GTF3C2: variants seen among roughly 807,000 people sequenced by gnomAD.
GTF3C2 encodes general transcription factor IIIC subunit 2, also known as general transcription factor 3C polypeptide 2.
A neutral mutation model predicts 117.4 loss-of-function variants in GTF3C2; 17 were observed. The ratio of observed to expected loss-of-function variants is 0.14; its 90% confidence interval spans 0.10 to 0.22. The LOEUF is 0.22. GTF3C2 is among the 10% of genes least tolerant of loss of function. The pLI is 1.00. For missense variants in GTF3C2, 888 were observed against 1,143.6 expected, an observed-to-expected ratio of 0.78 and a Z score of 3.22; for synonymous variants, 437 against 427.0, an observed-to-expected ratio of 1.02 and a Z score of -0.29.
In GTF3C2 at chr2:27,328,943, GA is replaced by G. The variant is rs1558611927; in HGVS notation, c.2040-13del. The stretch of plus-strand genomic sequence containing the variant: ...CACAGAGTCCATAACTGTTAAAAGA[GA>G]AATAAATTTAAACCTTCCTTTTCTT... On this transcript the variant is annotated splice_polypyrimidine_tract_variant and intron_variant, in intron 14 of 18. Transcript: ENST00000264720. 2.5e-6 allele frequency: 4 copies of G among 1,576,190 alleles called. No individual in the cohort carries two copies. Among genetic ancestry groups the G allele is most frequent in the Non-Finnish European group, 3.5e-6 (4 of 1,148,044 alleles).
chr2:27,344,158 G>A (rs1680838619), intron 1 of GTF3C2, among the ~76,000 whole-genome samples: 1 of 151,882 alleles, frequency 6.6e-6, no homozygotes, highest in African/African-American at 2.4e-5. Context: ...CTGAGTAGCT[G>A]GGATCAAGGT....
At chr2:27,342,515 G>A in intron 3 of GTF3C2, 1 of 537,100 alleles carries the variant, frequency 1.9e-6, no homozygotes, top group Non-Finnish European at 3.3e-6. Flanking sequence ...AACACAGAGG[G>A]CAAGAGAAAG....
At chr2:27,334,813 T>C (rs907338056) in intron 10 of GTF3C2, among the ~76,000 whole-genome samples, 5 of 152,044 alleles carry the variant, frequency 3.3e-5, no homozygotes, top group Admixed American at 2.6e-4. Flanking sequence ...CGGCTACTTT[T>C]AAAAATTTTT....
chr2:27,349,259 T>G (rs1251440395), intron 1 of GTF3C2, among the ~76,000 whole-genome samples: 3 of 151,316 alleles, frequency 2.0e-5, no homozygotes, highest in Non-Finnish European at 4.4e-5. Context: ...GCCATTCTCC[T>G]GCCTCAGCCT....
At chr2:27,354,182 C>T (rs1681242232) in intron 1 of GTF3C2, among the ~76,000 whole-genome samples, 1 of 151,864 alleles carries the variant, frequency 6.6e-6, no homozygotes, top group Admixed American at 6.6e-5. Context: ...ATTCGAGAGG[C>T]TGAGGCAGGA....
At chr2:27,342,406 T>A (rs939274973) in intron 3 of GTF3C2, 173 bp from the exon 4 acceptor site, 10 of 609,592 alleles carry the variant, frequency 1.6e-5, no homozygotes, top group Admixed American at 3.0e-5. Flanking sequence ...ATCTAAGTTA[T>A]GTGACTTGGC....
At chr2:27,334,790 G>A (rs1176976692) in intron 10 of GTF3C2, among the ~76,000 whole-genome samples, 2 of 151,966 alleles carry the variant, frequency 1.3e-5, no homozygotes, top group African/African-American at 2.4e-5. Context: ...TTACAGGCAT[G>A]CACCACTATG....
chr2:27,351,101 G>C lies in GTF3C2; in HGVS notation c.-25+5638C>G, dbSNP rs764822126. Reference sequence around the variant, plus strand: ...ACTGCATTCCATCCTCACAGAGCAAGACCCTGTATCTAAAAATAAAAAATA... The same window carrying C: ...ACTGCATTCCATCCTCACAGAGCAACACCCTGTATCTAAAAATAAAAAATA... On this transcript the variant is annotated intron_variant, in intron 1 of 18. Coordinates refer to ENST00000264720, the Ensembl canonical transcript of GTF3C2. Among the ~76,000 whole-genome samples the C allele has an allele frequency of 2.6e-4, 40 of 151,804 alleles. 2 individuals carry two copies. The highest frequency in any genetic ancestry group is 2.9e-5 in the Non-Finnish European group (2 of 67,982).
Position 27,329,539 on chromosome 2 carries a change from A to G in GTF3C2, c.1733-16T>C. ...ACCACCATGCCTGAAATAAGGACAGAATGTGTGAGCATTAAAAGCAAGTTC... is the reference window on the plus strand; with the variant it reads ...ACCACCATGCCTGAAATAAGGACAGGATGTGTGAGCATTAAAAGCAAGTTC... On this transcript the variant is annotated splice_polypyrimidine_tract_variant and intron_variant, in intron 12 of 18. Transcript: ENST00000264720. The surrounding 1 kb of genome is among the most constrained non-coding windows in gnomAD (Gnocchi z 4.5). 2.5e-6 allele frequency: 4 copies of G among 1,612,976 alleles called. No homozygotes were observed. The highest frequency in any genetic ancestry group is 3.4e-6 in the Non-Finnish European group (4 of 1,179,348).
intron 18 of GTF3C2, 68 bp downstream of exon 18, chr2:27,327,097 TTTTCATCTACCA>T: frequency 1.3e-6 from 1 of 793,792 alleles, no homozygotes; most frequent in Non-Finnish European, 2.1e-6. Context: ...CTGTGTAACC[TTTTCATCTACCA>T]TTTCATCAGC....
intron 1 of GTF3C2, among the ~76,000 whole-genome samples, chr2:27,355,234 T>C (rs1681291578): frequency 6.6e-6 from 1 of 152,126 alleles, no homozygotes; most frequent in Non-Finnish European, 1.5e-5. Context: ...GTACATATAA[T>C]TTGCCTGGCC....
chr2:27,337,186 C>A (rs1029039586), intron 7 of GTF3C2, 58 bp downstream of exon 7: 2 of 1,000,998 alleles, frequency 2.0e-6, no homozygotes, highest in Non-Finnish European at 3.1e-6. Flanking sequence ...TTTCAACATT[C>A]ATTTTTCTTG....
At chr2:27,333,552 CTA>C in intron 12 of GTF3C2, 101 bp downstream of exon 12, 1 of 667,260 alleles carries the variant, frequency 1.5e-6, no homozygotes, top group Non-Finnish European at 2.6e-6. Flanking sequence ...ATATTTCTAA[CTA>C]TATGTCCAGT....
intron 1 of GTF3C2, chr2:27,356,411 A>T (rs1681384789): frequency 3.7e-6 from 1 of 268,802 alleles, no homozygotes; most frequent in Non-Finnish European, 7.8e-6. Flanking sequence ...GGTTTTTCTA[A>T]CAAGGACTAC....
chr2:27,354,350 C>T (rs554760474), intron 1 of GTF3C2, among the ~76,000 whole-genome samples: 1 of 152,112 alleles, frequency 6.6e-6, no homozygotes, highest in Non-Finnish European at 1.5e-5. Flanking sequence ...AGCAGACTGA[C>T]CACGTCTACA....
At chr2:27,338,398 G>A (rs1680575236) in intron 4 of GTF3C2, 1 of 250,802 alleles carries the variant, frequency 4.0e-6, no homozygotes, top group Non-Finnish European at 7.8e-6. Flanking sequence ...CCTCGATGAT[G>A]GTATTCCCCA....
At chr2:27,338,416 T>C (rs68152356) in intron 4 of GTF3C2, among the ~76,000 whole-genome samples, 1 of 152,266 alleles carries the variant, frequency 6.6e-6, no homozygotes, top group African/African-American at 2.4e-5. Flanking sequence ...CCAGAGTTCC[T>C]GTCGTCTTCT....
intron 1 of GTF3C2, among the ~76,000 whole-genome samples, chr2:27,345,067 T>C (rs1166072544): frequency 6.6e-6 from 1 of 151,700 alleles, no homozygotes; most frequent in African/African-American, 2.4e-5. Context: ...AAGGATGGCT[T>C]GAGTCCAGGA....
chr2:27,328,037 C>A, exon 17 of GTF3C2: 1 of 1,609,042 alleles, frequency 6.2e-7, no homozygotes, highest in Non-Finnish European at 8.5e-7. Context: ...CTCAGCTTAC[C>A]AAATCTGTGT....
Sources: allele counts gnomAD v4.1 joint callset (sites outside exome capture counted in the v4.1 genomes callset), GRCh38; gene constraint gnomAD v4.1.1; non-coding constraint Gnocchi (gnomAD v3.1); transcripts MANE v1.5; gene names NCBI Gene and HGNC (gene_info 2026-07-23, HGNC 2026-07-21).